The following IFI27L1 variants were observed in gnomAD, a reference collection of about 807,000 sequenced individuals.
IFI27L1 encodes interferon alpha-inducible protein 27-like protein 1.
IFI27L1 carries 3 observed loss-of-function variants against 9.2 expected under a neutral mutation model. The ratio of observed to expected loss-of-function variants is 0.32; its 90% CI spans 0.15 to 0.84. The LOEUF is 0.84. IFI27L1 is among the 40% of genes least tolerant of loss of function. The probability of loss-of-function intolerance (pLI) is 0.56; values close to 1 mark genes in which losing one functional copy is unlikely to be tolerated. For missense variants in IFI27L1, 133 were observed against 134.2 expected (o/e 0.99, Z 0.05); for synonymous variants, 53 against 50.0 (o/e 1.06, Z -0.26).
chr14:94,082,865 G>A (rs1886156458), intron 1 of IFI27L1, among the ~76,000 whole-genome samples: 1 of 152,230 alleles, frequency 6.6e-6, no homozygotes, highest in Non-Finnish European at 1.5e-5. Flanking sequence ...TTGTTTTCAT[G>A]TCTGTGAACA....
chr14:94,084,833 A>T (rs1189492259), intron 1 of IFI27L1, among the ~76,000 whole-genome samples: 2 of 152,212 alleles, frequency 1.3e-5, no homozygotes, highest in Non-Finnish European at 2.9e-5. Context: ...AGAAAGAAAA[A>T]CAGGCAGTTA....
chr14:94,087,467 C>T (rs542459465), intron 1 of IFI27L1, among the ~76,000 whole-genome samples: 16 of 152,310 alleles, frequency 1.1e-4, no homozygotes, highest in African/African-American at 1.9e-4. Context: ...CACTCTGTCA[C>T]GCAGGCTGGA....
chr14:94,088,668 T>C (rs1886366335), intron 1 of IFI27L1, among the ~76,000 whole-genome samples: 1 of 152,172 alleles, frequency 6.6e-6, no homozygotes, highest in South Asian at 2.1e-4. Flanking sequence ...ACTTCTGTTA[T>C]CTGCAGCTGA....
rs980580424 is a variant in IFI27L1 at position 94,100,661 on chromosome 14, TG to T, written c.29-73del. 5 of 1,600,164 alleles carry T rather than the reference TG, an allele frequency of 3.1e-6. No homozygotes were observed. The African/African-American group carries it at 5.3e-5, about 17-fold the overall frequency. On this transcript the variant is annotated intron_variant, in intron 2 of 4. Coordinates refer to ENST00000555523, the MANE Select transcript of IFI27L1 (RefSeq NM_206949.3). ...AAGAATAGCAAAGTTGAATTTGAGA[TG>T]GGGGTATCAGAGAGTACCCACTCCC...
chr14:94,088,411 G>T, intron 1 of IFI27L1: 1 of 696,922 alleles, frequency 1.4e-6, no homozygotes, highest in South Asian at 1.5e-5. Flanking sequence ...CATTCTTGGT[G>T]GCCCACTTTT....
At chr14:94,088,137 T>A in intron 1 of IFI27L1, 2 of 644,456 alleles carry the variant, frequency 3.1e-6, no homozygotes, top group Non-Finnish European at 5.6e-6. Context: ...TGACCTGAAT[T>A]GTGCCAAGCT....
intron 1 of IFI27L1, among the ~76,000 whole-genome samples, chr14:94,085,559 C>G (rs1567066229): frequency 6.6e-6 from 1 of 151,986 alleles, no homozygotes; most frequent in Non-Finnish European, 1.5e-5. Context: ...GCGAAACATC[C>G]CACAGTGTTA....
intron 1 of IFI27L1, among the ~76,000 whole-genome samples, chr14:94,082,021 G>A (rs1886124872): frequency 6.6e-6 from 1 of 152,222 alleles, no homozygotes; most frequent in African/African-American, 2.4e-5. Context: ...AAGATAGGCT[G>A]AAAGCTAGGC....
chr14:94,087,735 T>C (rs1476591521), intron 1 of IFI27L1, among the ~76,000 whole-genome samples: 2 of 150,246 alleles, frequency 1.3e-5, no homozygotes, highest in African/African-American at 4.9e-5. Flanking sequence ...CGATTGTCGT[T>C]TTTTTTTTTA....
chr14:94,085,209 T>C (rs545113952), intron 1 of IFI27L1, among the ~76,000 whole-genome samples: 86 of 152,240 alleles, frequency 5.6e-4, no homozygotes, highest in African/African-American at 2.0e-3. Context: ...CTCATATATT[T>C]CCCAGCAAGA....
At chr14:94,090,372 A>G (rs1886431169) in intron 1 of IFI27L1, among the ~76,000 whole-genome samples, 1 of 152,264 alleles carries the variant, frequency 6.6e-6, no homozygotes, top group South Asian at 2.1e-4. Context: ...TCATTTTAGT[A>G]TAAAACAAAT....
At chr14:94,084,493 G>A (rs1293395158) in intron 1 of IFI27L1, among the ~76,000 whole-genome samples, 1 of 152,126 alleles carries the variant, frequency 6.6e-6, no homozygotes, top group Non-Finnish European at 1.5e-5. Context: ...CAAAGGGACC[G>A]AGGGGTTGAG....
chr14:94,102,457 C>T lies in IFI27L1; in HGVS notation c.224-20C>T, dbSNP rs1384499427. 1.3e-6 allele frequency: 2 copies of T among 1,522,026 alleles called. No homozygotes were observed. Among genetic ancestry groups the T allele is most frequent in the Non-Finnish European group, 1.8e-6 (2 of 1,122,684 alleles). 94.3% of individuals were successfully genotyped at this position (1,522,026 alleles called of 1,614,324 possible). A position where few individuals can be genotyped will look rare whatever the true frequency, so the allele number is the denominator to read the frequency against. Reference sequence around the variant, plus strand: ...GCTACCCCTCCCTGTGCCCTGTGCTCACCCTCTCTTCTCCCCCAGGGGCAG... The same window carrying T: ...GCTACCCCTCCCTGTGCCCTGTGCTTACCCTCTCTTCTCCCCCAGGGGCAG... On this transcript the variant is annotated intron_variant, in intron 4 of 4. Coordinates refer to ENST00000555523, the MANE Select transcript of IFI27L1 (RefSeq NM_206949.3).
chr14:94,095,212 CTT>C, intron 1 of IFI27L1, among the ~76,000 whole-genome samples: 1 of 152,066 alleles, frequency 6.6e-6, no homozygotes, highest in Non-Finnish European at 1.5e-5. Flanking sequence ...TTTTTAGAGA[CTT>C]TTTTAGAGAT....
chr14:94,099,544 G>T (rs1236773787), intron 2 of IFI27L1, among the ~76,000 whole-genome samples: 1 of 152,174 alleles, frequency 6.6e-6, no homozygotes, highest in African/African-American at 2.4e-5. Flanking sequence ...GAAGCTAGAA[G>T]GAGGCACAGG....
At chr14:94,102,394 G>T in intron 4 of IFI27L1, 83 bp from the exon 5 acceptor site, 1 of 810,648 alleles carries the variant, frequency 1.2e-6, no homozygotes, top group South Asian at 1.8e-5. Context: ...TCTCTGGAGG[G>T]ACCAGGGTCT....
chr14:94,089,283 T>TA (rs1220171456), intron 1 of IFI27L1: 2 of 152,194 alleles, frequency 1.3e-5, no homozygotes, highest in Admixed American at 1.3e-4. Context: ...TGATAATACT[T>TA]ATAGTTATTT....
chr14:94,081,677 T>C (rs921913163), intron 1 of IFI27L1, among the ~76,000 whole-genome samples: 9 of 152,190 alleles, frequency 5.9e-5, no homozygotes, highest in Admixed American at 1.3e-4. Context: ...ACCTAGATCA[T>C]AGGGAGATGT....
intron 1 of IFI27L1, among the ~76,000 whole-genome samples, chr14:94,085,838 A>G (rs1300362381): frequency 1.3e-5 from 2 of 152,192 alleles, no homozygotes; most frequent in Non-Finnish European, 2.9e-5. Context: ...CAGAACACAA[A>G]TATATTTTAA....
Sources: gnomAD v4.1 joint callset for allele counts (sites outside exome capture counted in the v4.1 genomes callset) on GRCh38, gnomAD v4.1.1 for gene constraint, MANE v1.5 for transcripts, NCBI Gene and HGNC (gene_info 2026-07-23, HGNC 2026-07-21) for gene names.